Variants in JAZF1 observed in about 807,000 individuals in gnomAD.
JAZF1 encodes the protein JAZF zinc finger 1, also known as juxtaposed with another zinc finger protein 1.
JAZF1 carries 8 observed loss-of-function variants against 26.4 expected under a neutral mutation model. That is an observed-to-expected ratio of 0.30 (90% CI 0.18 to 0.55). JAZF1 has a LOEUF of 0.55. JAZF1 is among the 20% of genes least tolerant of loss of function. JAZF1 has a pLI of 0.94. For missense variants in JAZF1, 199 were observed against 322.0 expected (o/e 0.62, Z 2.92); for synonymous variants, 126 against 122.3 (o/e 1.03, Z -0.20).
At chr7:27,960,187 G>A (rs1220795600) in intron 2 of JAZF1, among the ~76,000 whole-genome samples, 2 of 152,176 alleles carry the variant, frequency 1.3e-5, no homozygotes, top group East Asian at 3.8e-4. Flanking sequence ...GACTTGTTGT[G>A]CTTATTTAAT....
chr7:27,885,287 G>A (rs1250472499), intron 3 of JAZF1, among the ~76,000 whole-genome samples: 1 of 152,216 alleles, frequency 6.6e-6, no homozygotes, highest in South Asian at 2.1e-4. Flanking sequence ...TCCTTCACCA[G>A]TGTGTTCACC....
chr7:28,114,305 T>C (rs1363075058), intron 1 of JAZF1, among the ~76,000 whole-genome samples: 1 of 152,050 alleles, frequency 6.6e-6, no homozygotes, highest in Admixed American at 6.5e-5. Flanking sequence ...AGAATTCTGC[T>C]CTCTGAACAG....
intron 2 of JAZF1, among the ~76,000 whole-genome samples, chr7:27,909,337 T>C (rs202): frequency 0.32 from 47,908 of 151,550 alleles, 7,987 homozygotes; most frequent in Admixed American, 0.42. Flanking sequence ...TGTGTAAATC[T>C]TGGGTATGGA....
At chr7:28,151,769 C>A (rs1783115072) in intron 1 of JAZF1, among the ~76,000 whole-genome samples, 1 of 150,418 alleles carries the variant, frequency 6.6e-6, no homozygotes, top group Non-Finnish European at 1.5e-5. Flanking sequence ...CCAGCCTGGA[C>A]AAAAAGAGTG....
chr7:27,972,428 G>A (rs1393659590), intron 2 of JAZF1, among the ~76,000 whole-genome samples: 1 of 152,162 alleles, frequency 6.6e-6, no homozygotes, highest in Non-Finnish European at 1.5e-5. Context: ...TTAGGGGAAG[G>A]AGGATGGGGG....
intron 2 of JAZF1, among the ~76,000 whole-genome samples, chr7:27,973,819 C>T (rs552980292): frequency 1.3e-5 from 2 of 152,278 alleles, no homozygotes; most frequent in Admixed American, 1.3e-4. Context: ...ATGCTTTCTA[C>T]AGCTCTAGTG....
At chr7:27,988,245 T>C (rs1785776585) in intron 2 of JAZF1, among the ~76,000 whole-genome samples, 1 of 152,096 alleles carries the variant, frequency 6.6e-6, no homozygotes, top group South Asian at 2.1e-4. Flanking sequence ...TGAATCATAA[T>C]TCATTTAAAC....
intron 1 of JAZF1, among the ~76,000 whole-genome samples, chr7:28,086,613 A>C (rs1784216076): frequency 6.6e-6 from 1 of 152,200 alleles, no homozygotes; most frequent in South Asian, 2.1e-4. Flanking sequence ...GGCAGCCCTG[A>C]GTAGTAAAAT....
At chr7:27,918,146 T>C (rs988109057) in intron 2 of JAZF1, among the ~76,000 whole-genome samples, 3 of 152,158 alleles carry the variant, frequency 2.0e-5, no homozygotes, top group Non-Finnish European at 2.9e-5. Flanking sequence ...AAAAATAAAC[T>C]CCTGTTGTGT....
intron 1 of JAZF1, among the ~76,000 whole-genome samples, chr7:28,015,026 A>AGTGTGTATGTGT: frequency 8.6e-6 from 1 of 116,532 alleles, no homozygotes; most frequent in African/African-American, 3.3e-5. Flanking sequence ...AAAAGCAGAA[A>AGTGTGTATGTGT]GTGTGTATGT....
intron 1 of JAZF1, among the ~76,000 whole-genome samples, chr7:28,178,082 C>G (rs1167380992): frequency 6.6e-6 from 1 of 152,202 alleles, no homozygotes; most frequent in African/African-American, 2.4e-5. Context: ...ACACAGTTCA[C>G]CTAGGTCACT....
chr7:28,163,954 T>C (rs1293618822), intron 1 of JAZF1, among the ~76,000 whole-genome samples: 2 of 152,270 alleles, frequency 1.3e-5, no homozygotes, highest in African/African-American at 2.4e-5. Context: ...AATTCTGGCC[T>C]TGGCCATATT....
In JAZF1 at chr7:27,895,303, G is replaced by T. The variant is rs754765941; in HGVS notation, c.302C>A (p.Pro101Gln). 1.1e-5 allele frequency: 17 copies of T among 1,608,834 alleles called. No homozygotes were observed. Among genetic ancestry groups the T allele is most frequent in the Non-Finnish European group, 1.4e-5 (16 of 1,176,824 alleles). The change falls in exon 3 of 5, where the codon CCA becomes CAA. Residue 101 changes from proline (P) to glutamine (Q), a missense_variant. This residue lies in a region of JAZF1 where 137 missense variants were observed against 184.8 expected (regional missense o/e 0.74). Transcript: ENST00000283928. Reference protein sequence around the residue: ...SVSRGNVSTPPRHSSGSLTPP... With the variant: ...SVSRGNVSTPQRHSSGSLTPP... ...AGTAAGGCTTCCACTGCTGTGGCGT[G>T]GGGGAGTGGACACATTCCCTCGAGA...
chr7:28,169,609 A>G (rs1201372425), intron 1 of JAZF1, among the ~76,000 whole-genome samples: 1 of 152,214 alleles, frequency 6.6e-6, no homozygotes, highest in Non-Finnish European at 1.5e-5. Flanking sequence ...AGTTAACTGC[A>G]AACTGTTGAG....
intron 2 of JAZF1, among the ~76,000 whole-genome samples, chr7:27,905,327 T>C (rs1024560897): frequency 4.3e-5 from 4 of 92,406 alleles, no homozygotes; most frequent in African/African-American, 1.5e-4. Context: ...TCCCGGTCTT[T>C]GGAGAATTCT....
intron 2 of JAZF1, among the ~76,000 whole-genome samples, chr7:27,957,769 T>C (rs984661375): frequency 9.2e-5 from 14 of 152,206 alleles, no homozygotes; most frequent in Non-Finnish European, 1.6e-4. Context: ...CACACATAGC[T>C]AGACTATGAC....
intron 1 of JAZF1, among the ~76,000 whole-genome samples, chr7:28,086,364 GC>G (rs1356899115): frequency 6.6e-6 from 1 of 152,160 alleles, no homozygotes; most frequent in African/African-American, 2.4e-5. Context: ...ATTCCAATCT[GC>G]CCAAATTAAA....
intron 2 of JAZF1, among the ~76,000 whole-genome samples, chr7:27,897,741 G>A (rs1323992398): frequency 1.3e-5 from 2 of 152,326 alleles, no homozygotes; most frequent in South Asian, 2.1e-4. Context: ...CTCCTATGGG[G>A]CGTGAGGCTC....
rs538651292 is a variant in JAZF1, at chr7:28,135,510, T to A, written c.115+44953A>T. 1.3e-3 allele frequency among the ~76,000 whole-genome samples: 199 copies of A among 152,370 alleles called. 1 individual carries two copies. The highest frequency in any genetic ancestry group is 4.6e-3 in the African/African-American group (193 of 41,578). ...TTGGCTATTTTAATAAGAACTGGACTGGATTTACAGCAAAATAACTTTACT... is the reference window on the plus strand; with the variant it reads ...TTGGCTATTTTAATAAGAACTGGACAGGATTTACAGCAAAATAACTTTACT... On this transcript the variant is annotated intron_variant, in intron 1 of 4. Transcript: ENST00000283928.
Sources: allele counts gnomAD v4.1 joint callset (sites outside exome capture counted in the v4.1 genomes callset), GRCh38; gene constraint gnomAD v4.1.1; regional missense constraint gnomAD v4.1.1; transcripts MANE v1.5; gene names NCBI Gene and HGNC (gene_info 2026-07-23, HGNC 2026-07-21).